Variants in DMTF1 observed in about 807,000 individuals in gnomAD.
DMTF1 encodes the protein cyclin D binding myb like transcription factor 1, also known as cyclin-D-binding Myb-like transcription factor 1.
Under a neutral mutation model 91.1 loss-of-function variants are expected in DMTF1, and 39 were observed. That is an observed-to-expected ratio of 0.43 (90% CI 0.33 to 0.56). The LOEUF (loss-of-function observed/expected upper bound fraction) is 0.56, where lower values mean the gene tolerates loss of function less well. DMTF1 is among the 20% of genes least tolerant of loss of function. The pLI is 0.05. For synonymous variants in DMTF1, 338 were observed against 309.5 expected (o/e 1.09, Z -0.97); for missense variants, 750 against 914.5 (o/e 0.82, Z 2.32).
intron 1 of DMTF1, among the ~76,000 whole-genome samples, chr7:87,158,118 G>C (rs1405214793): frequency 6.6e-6 from 1 of 151,902 alleles, no homozygotes; most frequent in Admixed American, 6.6e-5. Flanking sequence ...TTTGAAGTTT[G>C]GCAGAAGGTG....
chr7:87,161,040 TA>T (rs1194127662), intron 1 of DMTF1, among the ~76,000 whole-genome samples: 9 of 152,126 alleles, frequency 5.9e-5, no homozygotes, highest in African/African-American at 1.9e-4. Flanking sequence ...TATCTTATAT[TA>T]TTAGTATTAA....
At chr7:87,153,188 A>G (rs1165390322) in intron 1 of DMTF1, among the ~76,000 whole-genome samples, 2 of 151,978 alleles carry the variant, frequency 1.3e-5, no homozygotes, top group Non-Finnish European at 2.9e-5. Flanking sequence ...CGGCCCAGAC[A>G]TAGAGAATCG....
At chr7:87,170,954 G>T (rs747021860) in intron 4 of DMTF1, 41 bp from the exon 5 acceptor site, 1 of 1,297,888 alleles carries the variant, frequency 7.7e-7, no homozygotes, top group Non-Finnish European at 1.1e-6. Context: ...ATTAGAACTT[G>T]CCGTTATTAT....
At chr7:87,156,301 C>G (rs1790702931) in intron 1 of DMTF1, among the ~76,000 whole-genome samples, 1 of 152,186 alleles carries the variant, frequency 6.6e-6, no homozygotes, top group South Asian at 2.1e-4. Flanking sequence ...CCTCCTTACT[C>G]AAGTAATAGT....
chr7:87,160,183 A>G (rs745841174), intron 1 of DMTF1, among the ~76,000 whole-genome samples: 1 of 151,974 alleles, frequency 6.6e-6, no homozygotes, highest in Non-Finnish European at 1.5e-5. Flanking sequence ...ATACAGATGT[A>G]TTCTGTGTAA....
intron 7 of DMTF1, among the ~76,000 whole-genome samples, chr7:87,176,958 TCTCA>T (rs1796387367): frequency 6.6e-6 from 1 of 152,264 alleles, no homozygotes; most frequent in African/African-American, 2.4e-5. Flanking sequence ...GAATCTTTCA[TCTCA>T]CTCTGTGGTC....
At chr7:87,158,158 CA>C (rs1249162927) in intron 1 of DMTF1, among the ~76,000 whole-genome samples, 1 of 151,962 alleles carries the variant, frequency 6.6e-6, no homozygotes, top group Non-Finnish European at 1.5e-5. Flanking sequence ...TTAAAACGCA[CA>C]GCATTTGTAT....
At chr7:87,171,285 TTTAA>T (rs1236505405) in intron 5 of DMTF1, among the ~76,000 whole-genome samples, 196 bp downstream of exon 5, 1 of 152,254 alleles carries the variant, frequency 6.6e-6, no homozygotes, top group Non-Finnish European at 1.5e-5. Context: ...TGAGTTATAA[TTTAA>T]TATTTAGCCT....
intron 11 of DMTF1, among the ~76,000 whole-genome samples, chr7:87,185,216 A>T (rs1455338190): frequency 6.6e-6 from 1 of 152,236 alleles, no homozygotes; most frequent in Admixed American, 6.5e-5. Flanking sequence ...GCAAGAAATT[A>T]TTTAAGACCC....
At chr7:87,161,344 A>G (rs1368720846) in intron 1 of DMTF1, among the ~76,000 whole-genome samples, 1 of 152,120 alleles carries the variant, frequency 6.6e-6, no homozygotes, top group African/African-American at 2.4e-5. Flanking sequence ...CTAAAAAAAT[A>G]CCAAAAAATT....
intron 9 of DMTF1, 168 bp from the exon 10 acceptor site, chr7:87,182,060 C>G: frequency 6.5e-7 from 1 of 1,535,036 alleles, no homozygotes; most frequent in South Asian, 1.2e-5. Flanking sequence ...CCACAGACAA[C>G]TGTGGACCCC....
At chr7:87,161,648 A>G (rs1295282393) in intron 1 of DMTF1, among the ~76,000 whole-genome samples, 1 of 152,250 alleles carries the variant, frequency 6.6e-6, no homozygotes, top group East Asian at 1.9e-4. Context: ...ATCATTCACT[A>G]ATCTCTAACA....
At chr7:87,190,809 A>T in intron 13 of DMTF1, 136 bp from the exon 14 acceptor site, 1 of 624,584 alleles carries the variant, frequency 1.6e-6, no homozygotes, top group Non-Finnish European at 2.7e-6. Context: ...AAGAAATGTA[A>T]ATGACTTCAG....
At position 87,196,149 on chromosome 7, in the gene DMTF1, GAAAA is replaced by G. The variant is rs879624680; in HGVS notation, c.*1015_*1018del. 1 of 151,184 alleles carries G rather than the reference GAAAA, an allele frequency of 6.6e-6. No individual in the cohort carries two copies. The highest frequency in any genetic ancestry group is 2.4e-5 in the African/African-American group (1 of 40,938). The allele number at this position is 151,184 out of a possible 1,614,324, so 9.4% of individuals were successfully genotyped here. On this transcript the variant is annotated 3_prime_UTR_variant, in exon 18 of 18. Transcript: ENST00000331242. The stretch of plus-strand genomic sequence containing the variant: ...AATATGACCCCTATAGAAAAGTCAA[GAAAA>G]AAAAACCCTTGTATAAATTATTTTA...
At chr7:87,163,820 T>C (rs1793108394) in intron 2 of DMTF1, among the ~76,000 whole-genome samples, 1 of 152,214 alleles carries the variant, frequency 6.6e-6, no homozygotes, top group African/African-American at 2.4e-5. Flanking sequence ...ATTTAAGTTT[T>C]TGTGCCAAAG....
intron 14 of DMTF1, 81 bp downstream of exon 14, chr7:87,191,108 A>G: frequency 2.2e-6 from 2 of 918,494 alleles, no homozygotes; most frequent in East Asian, 2.6e-5. Flanking sequence ...TCATTTGCTT[A>G]TGATTCATAA....
At chr7:87,163,328 T>C (rs905592958) in intron 1 of DMTF1, 167 bp from the exon 2 acceptor site, 2 of 152,290 alleles carry the variant, frequency 1.3e-5, no homozygotes, top group African/African-American at 4.8e-5. Flanking sequence ...GGAATACTTT[T>C]AGAGGCCAGT....
chr7:87,195,516 C>G lies in DMTF1; in HGVS notation c.*376C>G. 5.6e-6 allele frequency: 1 copy of G among 179,360 alleles called. No homozygotes were observed. Among genetic ancestry groups the G allele is most frequent in the Non-Finnish European group, 1.2e-5 (1 of 84,662 alleles). The allele number at this position is 179,360 out of a possible 1,614,324, so 11.1% of individuals were successfully genotyped here. ...GACATGGCACTGTCTCCTCTCAAGC[C>G]TGGTTGTAGTTCAGATGAGTCTTTT... On this transcript the variant is annotated 3_prime_UTR_variant, in exon 18 of 18. Coordinates refer to ENST00000331242, the MANE Select transcript of DMTF1 (RefSeq NM_001142327.2).
intron 3 of DMTF1, among the ~76,000 whole-genome samples, chr7:87,165,351 A>G (rs1234197600): frequency 6.6e-6 from 1 of 152,220 alleles, no homozygotes; most frequent in South Asian, 2.1e-4. Flanking sequence ...TTATTCCTCA[A>G]TGCAAGTAGA....
Sources: gnomAD v4.1 joint callset for allele counts (sites outside exome capture counted in the v4.1 genomes callset) on GRCh38, gnomAD v4.1.1 for gene constraint, MANE v1.5 for transcripts, NCBI Gene and HGNC (gene_info 2026-07-23, HGNC 2026-07-21) for gene names.